The following TSC22D3 variants were observed in gnomAD, a reference collection of about 807,000 sequenced individuals.
The protein encoded by TSC22D3 is TSC22 domain family member 3.
A neutral mutation model predicts 11.1 loss-of-function variants in TSC22D3; 4 were observed. The observed-to-expected ratio is 0.36, with a 90% CI of 0.18 to 0.83. TSC22D3 has a LOEUF of 0.83. Among genes scored for constraint, TSC22D3 ranks in the 40% least tolerant of loss-of-function variants. The pLI, the probability that TSC22D3 is intolerant of heterozygous loss-of-function variation, is 0.48. For missense variants in TSC22D3, 118 were observed against 159.4 expected (o/e 0.74, Z 1.40); for synonymous variants, 77 against 70.3 (o/e 1.10, Z -0.48).
At chrX:107,730,158 T>C (rs955259187) in intron 1 of TSC22D3, among the ~76,000 whole-genome samples, 1 of 112,454 alleles carries the variant, frequency 8.9e-6, no homozygotes, top group Non-Finnish European at 1.9e-5. Context: ...TACCTTATCA[T>C]TAGACCCATT....
rs1926827420 is a variant in TSC22D3, at chrX:107,713,280, A to T, written c.*1239T>A. ...AATTTCAAGCTACATTTGGAAAATC[A>T]AAATCCAAATCCTGGAACCATACAT... On this transcript the variant is annotated 3_prime_UTR_variant, in exon 3 of 3. Transcript: ENST00000372383. 9.0e-6 allele frequency: 1 copy of T among 111,709 alleles called. No homozygotes were observed. Among genetic ancestry groups the T allele is most frequent in the Non-Finnish European group, 1.9e-5 (1 of 53,178 alleles). The allele number at this position is 111,709 out of a possible 1,213,427, so 9.2% of individuals were successfully genotyped here.
chrX:107,758,742 G>T (rs774809101), intron 1 of TSC22D3, among the ~76,000 whole-genome samples: 2 of 112,143 alleles, frequency 1.8e-5, no homozygotes, highest in Non-Finnish European at 3.8e-5. Flanking sequence ...TGCATTGTGC[G>T]TTCAGTGCTG....
At chrX:107,723,202 A>C (rs981071434) in intron 1 of TSC22D3, among the ~76,000 whole-genome samples, 4 of 111,154 alleles carry the variant, frequency 3.6e-5, no homozygotes, top group African/African-American at 1.3e-4. Context: ...GCAGCACGAA[A>C]CTTAGGGTTT....
chrX:107,763,510 C>T (rs1173072792), intron 1 of TSC22D3, among the ~76,000 whole-genome samples: 2 of 111,281 alleles, frequency 1.8e-5, no homozygotes, highest in Non-Finnish European at 3.8e-5. Flanking sequence ...AGCCTCCCTC[C>T]CCTTCTGCAT....
intron 1 of TSC22D3, among the ~76,000 whole-genome samples, chrX:107,728,039 G>T (rs1376269731): frequency 9.0e-6 from 1 of 111,643 alleles, no homozygotes; most frequent in Non-Finnish European, 1.9e-5. Flanking sequence ...GCACTGATTG[G>T]CTTTCTAGAC....
intron 1 of TSC22D3, among the ~76,000 whole-genome samples, chrX:107,735,545 C>T (rs748065406): frequency 9.0e-6 from 1 of 111,148 alleles, no homozygotes; most frequent in East Asian, 2.8e-4. Flanking sequence ...TCACCACCAC[C>T]CTCAGCATTT....
intron 1 of TSC22D3, among the ~76,000 whole-genome samples, chrX:107,760,664 G>A (rs1045411742): frequency 5.3e-5 from 6 of 112,461 alleles, no homozygotes; most frequent in African/African-American, 9.7e-5. Flanking sequence ...TGAAGAGAAC[G>A]TCCCCAGGCC....
At chrX:107,743,262 A>C (rs1928506945) in intron 1 of TSC22D3, among the ~76,000 whole-genome samples, 1 of 111,928 alleles carries the variant, frequency 8.9e-6, no homozygotes, top group South Asian at 3.8e-4. Context: ...TGTTCCAAAC[A>C]ACCCCCCATA....
At chrX:107,772,944 C>A (rs917509812) in intron 1 of TSC22D3, among the ~76,000 whole-genome samples, 6 of 112,721 alleles carry the variant, frequency 5.3e-5, no homozygotes, top group African/African-American at 1.9e-4. Context: ...CCTGTTATTC[C>A]CAGCCTTAGC....
intron 1 of TSC22D3, among the ~76,000 whole-genome samples, chrX:107,739,997 C>T (rs1320402127): frequency 8.9e-6 from 1 of 112,409 alleles, no homozygotes; most frequent in Non-Finnish European, 1.9e-5. Context: ...TTGTGCAAAA[C>T]GTGGCTCAAA....
intron 1 of TSC22D3, among the ~76,000 whole-genome samples, chrX:107,759,693 G>C (rs1346666277): frequency 1.8e-5 from 2 of 112,619 alleles, no homozygotes; most frequent in African/African-American, 6.5e-5. Flanking sequence ...TCATCTCACA[G>C]CTGCCCAAGC....
At position 107,750,189 on chromosome X, in the gene TSC22D3, A is replaced by T. The variant is rs191991874; in HGVS notation, c.320+24911T>A. On this transcript the variant is annotated intron_variant, in intron 1 of 2. Transcript: ENST00000372383. ...ATGTGGATTCAGAAACGGGTTAAACAAAGCTGTGGGCCAAGTGGATGTGAG... is the reference window on the plus strand; with the variant it reads ...ATGTGGATTCAGAAACGGGTTAAACTAAGCTGTGGGCCAAGTGGATGTGAG... Among the ~76,000 whole-genome samples the T allele has an allele frequency of 4.4e-4, 49 of 111,712 alleles. 1 individual carries two copies. The highest frequency in any genetic ancestry group is 3.8e-5 in the Non-Finnish European group (2 of 53,127).
Position 107,723,570 on chromosome X carries a change from G to A in TSC22D3, c.321-7620C>T, listed in dbSNP as rs748963876. The stretch of plus-strand genomic sequence containing the variant: ...CAGCCCACCCTTTGGCAATCCCAGT[G>A]TCCTGCAGCCTTCCCAGGGGCTGAG... On this transcript the variant is annotated intron_variant, in intron 1 of 2. Coordinates refer to ENST00000372383, the MANE Select transcript of TSC22D3 (RefSeq NM_198057.3). Among the ~76,000 whole-genome samples the A allele has an allele frequency of 8.0e-5, 9 of 112,391 alleles. No homozygotes were observed. In the South Asian group the frequency reaches 2.2e-3, roughly 28 times the overall value.
At chrX:107,745,775 C>T (rs1394653975) in intron 1 of TSC22D3, among the ~76,000 whole-genome samples, 2 of 112,259 alleles carry the variant, frequency 1.8e-5, no homozygotes, top group Non-Finnish European at 3.8e-5. Context: ...CAGCTCCAAA[C>T]ATCCGTTTGT....
intron 1 of TSC22D3, among the ~76,000 whole-genome samples, chrX:107,726,073 T>C (rs769861402): frequency 9.1e-6 from 1 of 110,474 alleles, no homozygotes; most frequent in Non-Finnish European, 1.9e-5. Context: ...TCTGCAAACA[T>C]GCCTGTCCCC....
At chrX:107,716,620 A>C in intron 1 of TSC22D3, 1 of 997,058 alleles carries the variant, frequency 1.0e-6, no homozygotes, top group Non-Finnish European at 1.3e-6. Context: ...TCGCTCAGAG[A>C]CCGGGCTCCT....
chrX:107,738,391 A>G (rs1023420044), intron 1 of TSC22D3, among the ~76,000 whole-genome samples: 1 of 112,274 alleles, frequency 8.9e-6, no homozygotes, highest in African/African-American at 3.2e-5. Context: ...TGCTCCCCCA[A>G]CCCTGCCCTC....
At chrX:107,767,534 A>G (rs778230676) in intron 1 of TSC22D3, among the ~76,000 whole-genome samples, 7 of 112,367 alleles carry the variant, frequency 6.2e-5, no homozygotes, top group African/African-American at 1.3e-4. Context: ...TGCCTTGCCT[A>G]CTGATGAAAT....
chrX:107,750,605 G>A (rs1448662787), intron 1 of TSC22D3, among the ~76,000 whole-genome samples: 1 of 111,457 alleles, frequency 9.0e-6, no homozygotes, highest in Non-Finnish European at 1.9e-5. Flanking sequence ...GGGGAGTTGG[G>A]AGAGGGGGCG....
Sources: gnomAD v4.1 joint callset for allele counts (sites outside exome capture counted in the v4.1 genomes callset) on GRCh38, gnomAD v4.1.1 for gene constraint, MANE v1.5 for transcripts, NCBI Gene and HGNC (gene_info 2026-07-23, HGNC 2026-07-21) for gene names.